Variants in SSBP4 observed in about 807,000 individuals in gnomAD.
SSBP4 encodes the protein single stranded DNA binding protein 4.
A neutral mutation model predicts 64.6 loss-of-function variants in SSBP4; 33 were observed. That is an observed-to-expected ratio of 0.51 (90% confidence interval 0.39 to 0.68). The LOEUF is 0.68. Among genes scored for constraint, SSBP4 ranks in the 30% least tolerant of loss-of-function variants. SSBP4 has a pLI of 0.00. For synonymous variants in SSBP4, 243 were observed against 224.0 expected, an observed-to-expected ratio of 1.08 and a Z score of -0.76; for missense variants, 583 against 566.8, an observed-to-expected ratio of 1.03 and a Z score of -0.29.
chr19:18,419,610 T>C lies in SSBP4; in HGVS notation c.-39T>C. On this transcript the variant is annotated 5_prime_UTR_variant, in exon 1 of 18. It removes the in-frame stop codon of an upstream open reading frame in the 5' UTR. Coordinates refer to ENST00000270061, the MANE Select transcript of SSBP4 (RefSeq NM_032627.5). ...GGCAAGCGCGGCCCGCGGCGCCGCCTGACAGGTGTGGGCCCCGGCGGCGGC... is the reference window on the plus strand; with the variant it reads ...GGCAAGCGCGGCCCGCGGCGCCGCCCGACAGGTGTGGGCCCCGGCGGCGGC... 1 of 1,252,018 alleles carries C rather than the reference T, an allele frequency of 8.0e-7. No individual in the cohort carries two copies. The highest frequency in any genetic ancestry group is 1.0e-6 in the Non-Finnish European group (1 of 993,006). The allele number at this position is 1,252,018 out of a possible 1,614,324, so 77.6% of individuals were successfully genotyped here.
upstream of SSBP4, among the ~76,000 whole-genome samples, chr19:18,417,334 C>A (rs79121331): frequency 8.8e-3 from 1,335 of 152,322 alleles, 23 homozygotes; most frequent in African/African-American, 0.03. The surrounding 1 kb of genome is among the most constrained non-coding windows in gnomAD (Gnocchi z 5.4). Flanking sequence ...CACATTGACC[C>A]AAGGAACCGT....
intron 1 of SSBP4, among the ~76,000 whole-genome samples, chr19:18,422,131 A>G (rs1055171664): frequency 6.6e-6 from 1 of 152,218 alleles, no homozygotes; most frequent in African/African-American, 2.4e-5. Flanking sequence ...ACTGCCCTCC[A>G]GCCTGGGTGA....
chr19:18,431,156 C>T (rs191611190), intron 5 of SSBP4, among the ~76,000 whole-genome samples, 197 bp from the exon 6 acceptor site: 2,362 of 152,084 alleles, frequency 0.016, 27 homozygotes, highest in Non-Finnish European at 0.023. Flanking sequence ...CACATGTGTG[C>T]GCACAGGGTG....
Position 18,423,012 on chromosome 19 carries a change from G to A in SSBP4, c.59+3305G>A, listed in dbSNP as rs1298882107. On this transcript the variant is annotated intron_variant, in intron 1 of 17. Coordinates refer to ENST00000270061, the MANE Select transcript of SSBP4 (RefSeq NM_032627.5). The surrounding 1 kb of genome is among the most constrained non-coding windows in gnomAD (Gnocchi z 4.0). ...GGCCAGCTGGCTCCAGAAAGGGACCGAGCACCTGGTGGGTGCCTGCCCTCG... is the reference window on the plus strand; with the variant it reads ...GGCCAGCTGGCTCCAGAAAGGGACCAAGCACCTGGTGGGTGCCTGCCCTCG... Among the ~76,000 whole-genome samples, 3 of 152,228 alleles carry A rather than the reference G, an allele frequency of 2.0e-5. No individual in the cohort carries two copies. Among genetic ancestry groups the A allele is most frequent in the Non-Finnish European group, 4.4e-5 (3 of 68,048 alleles).
At chr19:18,434,130 C>T in intron 17 of SSBP4, 87 bp from the exon 18 acceptor site, 2 of 1,592,508 alleles carry the variant, frequency 1.3e-6, no homozygotes, top group Non-Finnish European at 1.7e-6. Flanking sequence ...CAGCCCTGCC[C>T]TGTCCCCCAT....
intron 4 of SSBP4, among the ~76,000 whole-genome samples, chr19:18,429,525 T>G (rs1321423254): frequency 6.6e-6 from 1 of 151,178 alleles, no homozygotes; most frequent in African/African-American, 2.4e-5. Context: ...GCACCCGCTG[T>G]GGCCCGTGAG....
chr19:18,428,254 C>A (rs1005452228), intron 4 of SSBP4, among the ~76,000 whole-genome samples: 2 of 152,202 alleles, frequency 1.3e-5, no homozygotes, highest in Non-Finnish European at 2.9e-5. Context: ...CCTCCCACCC[C>A]CATTGGGGCA....
At chr19:18,429,499 A>G (rs1973166432) in intron 4 of SSBP4, among the ~76,000 whole-genome samples, 1 of 150,560 alleles carries the variant, frequency 6.6e-6, no homozygotes, top group African/African-American at 2.5e-5. Flanking sequence ...AGCGTCCCCG[A>G]CCAGGAAACG....
chr19:18,430,441 CAGGGT>C (rs1361584567), intron 4 of SSBP4, among the ~76,000 whole-genome samples: 1 of 152,002 alleles, frequency 6.6e-6, no homozygotes, highest in Non-Finnish European at 1.5e-5. Flanking sequence ...GGACGAAGGG[CAGGGT>C]GGGGTGGGGC....
In SSBP4 at chr19:18,419,652, T is replaced by G. The variant is rs985376428; in HGVS notation, c.4T>G (p.Tyr2Asp). 2 of 1,255,852 alleles carry G rather than the reference T, an allele frequency of 1.6e-6. No homozygotes were observed. The highest frequency in any genetic ancestry group is 2.0e-6 in the Non-Finnish European group (2 of 995,648). 77.8% of individuals were successfully genotyped at this position (1,255,852 alleles called of 1,614,324 possible). A position where few individuals can be genotyped will look rare whatever the true frequency, so the allele number is the denominator to read the frequency against. ...GGCGGCGGCGGCGTGGAGCAGCATG[T>G]ACGCCAAGGGGGGCAAGGGTTCGGC... MYAKGGKGSAVP... is the reference protein window; with the variant it reads MDAKGGKGSAVP... The change falls in exon 1 of 18, where the codon TAC becomes GAC. Residue 2 changes from tyrosine to aspartate, a missense_variant. Physicochemically the swap from Tyr to Asp is radical, Grantham distance 160 (BLOSUM62 -3). Transcript: ENST00000270061.
chr19:18,409,631 T>C, the SSBP4 span, among the ~76,000 whole-genome samples: 24 of 152,156 alleles, frequency 1.6e-4, no homozygotes, highest in Non-Finnish European at 3.2e-4. Context: ...AGTCTTGCTC[T>C]GTCACCCAGG....
At chr19:18,419,029 G>C, upstream of SSBP4, 8 of 985,612 alleles carry the variant, frequency 8.1e-6, no homozygotes, top group Non-Finnish European at 9.6e-6. Context: ...GGCTTTATGG[G>C]GCTATCCGCA....
chr19:18,411,988 A>AC, the SSBP4 span, among the ~76,000 whole-genome samples: 113 of 150,930 alleles, frequency 7.5e-4, no homozygotes, highest in African/African-American at 1.2e-3. Flanking sequence ...ACAAAGTCAG[A>AC]CCCCCCACAC....
upstream of SSBP4, chr19:18,419,123 CAAT>C (rs926006587): frequency 3.0e-6 from 3 of 985,406 alleles, no homozygotes; most frequent in African/African-American, 1.7e-5. Context: ...GGGTGTACAA[CAAT>C]GTGGGTGGCC....
the SSBP4 span, among the ~76,000 whole-genome samples, chr19:18,407,902 C>T: frequency 1.3e-5 from 2 of 152,220 alleles, no homozygotes; most frequent in Admixed American, 6.6e-5. Flanking sequence ...ACCACCACAC[C>T]CGCCTAATTT....
Position 18,431,799 on chromosome 19 carries a change from G to T in SSBP4, c.502G>T (p.Ala168Ser). The T allele has an allele frequency of 6.4e-7, 1 of 1,558,084 alleles. No individual in the cohort carries two copies. The highest frequency in any genetic ancestry group is 8.7e-7 in the Non-Finnish European group (1 of 1,150,148). ...CGCCGCACCCCCTCCGCAGCCTCCC[G>T]CAGGCCTCCCTGGCTCCCAGCCCCT... ...PTLRMPSQPP[A>S]GLPGSQPLLP... The change falls in exon 8 of 18, where the codon GCA becomes TCA. Residue 168 changes from alanine (A) to serine (S), a missense_variant. This residue lies in a region of SSBP4 where 444 missense variants were observed against 386.6 expected (regional missense o/e 1.15). Transcript: ENST00000270061.
At position 18,431,216 on chromosome 19, in the gene SSBP4, T is replaced by G. The variant is rs1973346849; in HGVS notation, c.370-137T>G. 2.1e-5 allele frequency: 12 copies of G among 577,192 alleles called. 1 individual carries two copies. In the South Asian group the frequency reaches 2.6e-4, roughly 12 times the overall value. 35.8% of individuals were successfully genotyped at this position (577,192 alleles called of 1,614,324 possible). A position where few individuals can be genotyped will look rare whatever the true frequency, so the allele number is the denominator to read the frequency against. Reference sequence around the variant, plus strand: ...GTCCTGGTGACCACTGGTGCCTGAGTCCTGCCCTCAAGCCTTCCCACAAGG... The same window carrying G: ...GTCCTGGTGACCACTGGTGCCTGAGGCCTGCCCTCAAGCCTTCCCACAAGG... On this transcript the variant is annotated intron_variant, in intron 5 of 17. Transcript: ENST00000270061.
Position 18,434,377 on chromosome 19 carries a change from C to CGGG in SSBP4, c.*131_*132insGGG, listed in dbSNP as rs1218291717. 6.9e-7 allele frequency: 1 copy of CGGG among 1,452,518 alleles called. No individual in the cohort carries two copies. Among genetic ancestry groups the CGGG allele is most frequent in the Non-Finnish European group, 9.1e-7 (1 of 1,101,178 alleles). 90.0% of individuals were successfully genotyped at this position (1,452,518 alleles called of 1,614,324 possible). A position where few individuals can be genotyped will look rare whatever the true frequency, so the allele number is the denominator to read the frequency against. ...ATCAAGGCTTGCCCAGCTGGGAGGC[C>CGGG]CCACACGAAAGACTCTTACCATTTT... is the stretch of plus-strand genomic sequence containing the variant. On this transcript the variant is annotated 3_prime_UTR_variant, in exon 18 of 18. Transcript: ENST00000270061.
upstream of SSBP4, among the ~76,000 whole-genome samples, chr19:18,415,589 G>A (rs966880952): frequency 6.6e-6 from 1 of 152,152 alleles, no homozygotes; most frequent in African/African-American, 2.4e-5. Flanking sequence ...AGGAGGAAGA[G>A]GAGGAGGGAG....
Sources: allele counts gnomAD v4.1 joint callset (sites outside exome capture counted in the v4.1 genomes callset), GRCh38; gene constraint gnomAD v4.1.1; regional missense constraint gnomAD v4.1.1; non-coding constraint Gnocchi (gnomAD v3.1); transcripts MANE v1.5; gene names NCBI Gene and HGNC (gene_info 2026-07-23, HGNC 2026-07-21).